The following MUC15 variants were observed in gnomAD, a reference collection of about 807,000 sequenced individuals.
MUC15 encodes mucin 15, cell surface associated.
MUC15 carries 23 observed loss-of-function variants against 24.0 expected under a neutral mutation model. The ratio of observed to expected loss-of-function variants is 0.96; its 90% CI spans 0.69 to 1.36. MUC15 has a LOEUF of 1.36. MUC15 is among the 40% of genes most tolerant of loss of function. MUC15 has a pLI of 0.00. For synonymous variants in MUC15, 151 were observed against 156.3 expected (o/e 0.97, Z 0.25); for missense variants, 442 against 428.2 (o/e 1.03, Z -0.29).
intron 4 of MUC15, 143 bp downstream of exon 4, chr11:26,562,973 A>C: frequency 8.4e-7 from 1 of 1,185,112 alleles, no homozygotes; most frequent in Non-Finnish European, 1.1e-6. Context: ...TTTGATAAAC[A>C]GAAGGTGGAT....
Position 26,572,261 on chromosome 11 carries a change from ATT to A in MUC15, c.-268_-267del. On this transcript the variant is annotated 5_prime_UTR_variant, in exon 1 of 5. An upstream start codon of the reference 5' UTR is lost. Coordinates refer to ENST00000529533, the MANE Select transcript of MUC15 (RefSeq NM_001135091.2). ...ACTGACCTGCTTCTCAGCTGTAAGC[ATT>A]AAGATATCACCTCATTCAGGCCTTT... The A allele has an allele frequency of 1.0e-6, 1 of 985,094 alleles. No individual in the cohort carries two copies. The highest frequency in any genetic ancestry group is 1.2e-6 in the Non-Finnish European group (1 of 829,664). The allele number at this position is 985,094 out of a possible 1,614,324, so 61.0% of individuals were successfully genotyped here. A position where few individuals can be genotyped will look rare whatever the true frequency, so the allele number is the denominator to read the frequency against.
intron 1 of MUC15, among the ~76,000 whole-genome samples, chr11:26,569,250 G>T (rs542661511): frequency 6.6e-6 from 1 of 152,106 alleles, no homozygotes; most frequent in East Asian, 1.9e-4. Flanking sequence ...CCAAACGTGC[G>T]AAGCACTCTG....
rs1386687587 is a variant in MUC15 at position 26,565,248 on chromosome 11, T to C, written c.692A>G (p.Tyr231Cys). The C allele has an allele frequency of 6.4e-7, 1 of 1,554,000 alleles. No homozygotes were observed. Among genetic ancestry groups the C allele is most frequent in the Non-Finnish European group, 8.7e-7 (1 of 1,150,756 alleles). Residue 231 changes from tyrosine (Y) to cysteine (C), a missense_variant, in exon 3 of 5, where the codon TAT becomes TGT. Physicochemically the swap from Tyr to Cys is radical, Grantham distance 194. Coordinates refer to ENST00000529533, the MANE Select transcript of MUC15 (RefSeq NM_001135091.2). The part of the protein sequence containing the change: ...NSDSFTGFTP[Y>C]QEKTTLQPTL... ...AGGCTGTAGAGTTGTTTTTTCTTGATAAGGGGTAAACCCAGTGAAGCTATC... is the reference window on the plus strand; with the variant it reads ...AGGCTGTAGAGTTGTTTTTTCTTGACAAGGGGTAAACCCAGTGAAGCTATC...
Position 26,563,099 on chromosome 11 carries a change from T to C in MUC15, c.925+17A>G, listed in dbSNP as rs753399457. On this transcript the variant is annotated intron_variant, in intron 4 of 4. Transcript: ENST00000529533. ...AAAACCACTGTGCCCAGGTGAAGTA[T>C]TGAAAATAGATTTTACCTGGTTCAT... 4.3e-6 allele frequency: 7 copies of C among 1,610,456 alleles called. No homozygotes were observed. The highest frequency in any genetic ancestry group is 1.7e-4 in the Middle Eastern group (1 of 6,034).
Position 26,559,687 on chromosome 11 carries a change from A to G in MUC15, c.*1378T>C. Reference sequence around the variant, plus strand: ...CACTGGCTTATTATAATCAATTTGCATGACTAATATTTCTGTTTGTTTTCT... The same window carrying G: ...CACTGGCTTATTATAATCAATTTGCGTGACTAATATTTCTGTTTGTTTTCT... On this transcript the variant is annotated 3_prime_UTR_variant, in exon 5 of 5. Transcript: ENST00000529533. 6.6e-7 allele frequency: 1 copy of G among 1,520,430 alleles called. No individual in the cohort carries two copies. The highest frequency in any genetic ancestry group is 9.1e-7 in the Non-Finnish European group (1 of 1,095,414). 94.2% of individuals were successfully genotyped at this position (1,520,430 alleles called of 1,614,324 possible). A position where few individuals can be genotyped will look rare whatever the true frequency, so the allele number is the denominator to read the frequency against.
At chr11:26,562,342 A>G (rs1299063030) in intron 4 of MUC15, among the ~76,000 whole-genome samples, 1 of 151,960 alleles carries the variant, frequency 6.6e-6, no homozygotes, top group Non-Finnish European at 1.5e-5. Flanking sequence ...CAAATTCAGT[A>G]AGACTTCATC....
At chr11:26,571,877 T>C (rs1850841146) in intron 1 of MUC15, among the ~76,000 whole-genome samples, 164 bp downstream of exon 1, 1 of 152,148 alleles carries the variant, frequency 6.6e-6, no homozygotes, top group African/African-American at 2.4e-5. Context: ...CATTACTTAA[T>C]AAAACAACTA....
intron 1 of MUC15, among the ~76,000 whole-genome samples, chr11:26,571,698 CA>C (rs1171862150): frequency 1.3e-5 from 2 of 152,128 alleles, no homozygotes; most frequent in African/African-American, 4.8e-5. Context: ...CCACTTTAAA[CA>C]TTTTGAAACC....
rs1361843551 is a variant in MUC15 at position 26,565,270 on chromosome 11, T to G, written c.670A>C (p.Ser224Arg). The G allele has an allele frequency of 1.2e-6, 2 of 1,600,760 alleles. No homozygotes were observed. The highest frequency in any genetic ancestry group is 1.7e-6 in the Non-Finnish European group (2 of 1,172,586). ...TGATAAGGGGTAAACCCAGTGAAGC[T>G]ATCACTGTTTGTGGTAAGCCATCCA... The part of the protein sequence containing the change: ...PSGWLTTNSD[S>R]FTGFTPYQEK... Residue 224 changes from serine (S) to arginine (R), a missense_variant, in exon 3 of 5, where the codon AGC (serine) becomes CGC (arginine). Coordinates refer to ENST00000529533, the MANE Select transcript of MUC15 (RefSeq NM_001135091.2).
chr11:26,564,722 CACACACACACATATATATATATATAT>C (rs1173306516), intron 3 of MUC15, among the ~76,000 whole-genome samples: 27 of 66,988 alleles, frequency 4.0e-4, no homozygotes, highest in Non-Finnish European at 5.9e-4. Flanking sequence ...CACACACACA[CACACACACACATATATATATATATAT>C]ATATATATAT....
chr11:26,572,020 A>G, intron 1 of MUC15, 21 bp downstream of exon 1: 2 of 923,294 alleles, frequency 2.2e-6, no homozygotes, highest in Non-Finnish European at 1.3e-6. Flanking sequence ...GAGAGACCTA[A>G]GTGACCCAAC....
At chr11:26,562,492 ATAT>A (rs1484839173) in intron 4 of MUC15, among the ~76,000 whole-genome samples, 1 of 151,972 alleles carries the variant, frequency 6.6e-6, no homozygotes, top group African/African-American at 2.4e-5. Flanking sequence ...AATTGATATT[ATAT>A]TATTAAAGCA....
At chr11:26,566,100 C>A (rs1200496939) in intron 2 of MUC15, among the ~76,000 whole-genome samples, 2 of 151,730 alleles carry the variant, frequency 1.3e-5, no homozygotes, top group East Asian at 3.9e-4. Context: ...TTCTTCCTTC[C>A]TTGCTTCTAG....
At chr11:26,564,019 G>C (rs948831020) in intron 3 of MUC15, among the ~76,000 whole-genome samples, 5 of 151,780 alleles carry the variant, frequency 3.3e-5, no homozygotes, top group African/African-American at 1.2e-4. Flanking sequence ...GGGTCTTGCA[G>C]GGTCTCTGAT....
At chr11:26,563,395 C>CTGTGTG (rs71047867) in intron 3 of MUC15, 130 bp from the exon 4 acceptor site, 7,269 of 539,628 alleles carry the variant, frequency 0.013, 290 homozygotes, top group African/African-American at 0.11. Flanking sequence ...GTTTCTCTCT[C>CTGTGTG]TGTGTGTGTG....
intron 3 of MUC15, 125 bp downstream of exon 3, chr11:26,565,040 A>G: frequency 1.0e-6 from 1 of 972,624 alleles, no homozygotes; most frequent in South Asian, 2.7e-5. Flanking sequence ...CTCAAAAGTG[A>G]GAAAATCCAT....
chr11:26,564,724 CACACACACATATAT>C (rs1341705902), intron 3 of MUC15, among the ~76,000 whole-genome samples: 48 of 57,304 alleles, frequency 8.4e-4, no homozygotes, highest in African/African-American at 2.8e-3. Context: ...CACACACACA[CACACACACATATAT>C]ATATATATAT....
intron 1 of MUC15, among the ~76,000 whole-genome samples, chr11:26,569,508 C>T (rs1318264590): frequency 2.0e-5 from 3 of 151,910 alleles, no homozygotes; most frequent in African/African-American, 4.8e-5. Context: ...GTAGAAGCAG[C>T]CAGGAATTGA....
At chr11:26,564,758 T>C (rs1292067223) in intron 3 of MUC15, among the ~76,000 whole-genome samples, 12 of 92,888 alleles carry the variant, frequency 1.3e-4, no homozygotes, top group East Asian at 4.0e-4. Flanking sequence ...TATATATATA[T>C]ATATATATAT....
Sources: gnomAD v4.1 joint callset for allele counts (sites outside exome capture counted in the v4.1 genomes callset) on GRCh38, gnomAD v4.1.1 for gene constraint, MANE v1.5 for transcripts, NCBI Gene and HGNC (gene_info 2026-07-23, HGNC 2026-07-21) for gene names.